The following TRIQK variants were observed in gnomAD, a reference collection of about 807,000 sequenced individuals.
The protein encoded by TRIQK is triple QxxK/R motif-containing protein.
A neutral mutation model predicts 10.8 loss-of-function variants in TRIQK; 10 were observed. That is an observed-to-expected ratio of 0.92 (90% CI 0.57 to 1.57). The LOEUF (loss-of-function observed/expected upper bound fraction) is 1.57. Among genes scored for constraint, TRIQK ranks in the 40% most tolerant of loss-of-function variants. The probability of loss-of-function intolerance (pLI) is 0.00; values close to 1 mark genes in which losing one functional copy is unlikely to be tolerated. For missense variants in TRIQK, 107 were observed against 97.7 expected (o/e 1.09, Z -0.40); for synonymous variants, 33 against 33.7 (o/e 0.98, Z 0.07).
At chr8:92,934,418 T>C (rs531176267) in intron 2 of TRIQK, among the ~76,000 whole-genome samples, 3 of 152,042 alleles carry the variant, frequency 2.0e-5, no homozygotes, top group African/African-American at 4.8e-5. Flanking sequence ...CTTTTAAGCA[T>C]ATATATCTTA....
chr8:93,000,800 A>C (rs549010355), intron 1 of TRIQK, among the ~76,000 whole-genome samples: 3 of 152,230 alleles, frequency 2.0e-5, no homozygotes, highest in African/African-American at 7.2e-5. Context: ...TAACCACAAA[A>C]AAAATTACAG....
chr8:92,917,968 A>G (rs537696713), intron 2 of TRIQK, among the ~76,000 whole-genome samples: 1 of 152,176 alleles, frequency 6.6e-6, no homozygotes, highest in South Asian at 2.1e-4. Context: ...AATGAGTGAG[A>G]AAAAGCAATA....
chr8:92,987,957 G>A (rs955347908), intron 1 of TRIQK, among the ~76,000 whole-genome samples: 2 of 149,010 alleles, frequency 1.3e-5, no homozygotes, highest in African/African-American at 4.9e-5. Flanking sequence ...ATCTTTAGAT[G>A]ACATAATCGT....
At chr8:92,918,780 C>CA (rs1315267150) in intron 2 of TRIQK, among the ~76,000 whole-genome samples, 2 of 151,016 alleles carry the variant, frequency 1.3e-5, no homozygotes, top group Admixed American at 6.6e-5. Context: ...ATCTTACCCC[C>CA]CCCCACAATT....
intron 3 of TRIQK, among the ~76,000 whole-genome samples, chr8:92,900,015 T>A (rs1326338288): frequency 6.6e-6 from 1 of 152,226 alleles, no homozygotes; most frequent in East Asian, 1.9e-4. Context: ...ATTTTGAGCA[T>A]GTTTTCATAC....
chr8:92,959,480 TACACACACACACACAC>T (rs34816958), intron 1 of TRIQK, among the ~76,000 whole-genome samples: 2,090 of 143,722 alleles, frequency 0.015, 21 homozygotes, highest in Non-Finnish European at 0.021. Context: ...TATATATGCA[TACACACACACACACAC>T]ACACACACAC....
chr8:92,932,329 T>C (rs1192236932), intron 2 of TRIQK, among the ~76,000 whole-genome samples: 2 of 152,132 alleles, frequency 1.3e-5, no homozygotes, highest in Admixed American at 6.6e-5. Context: ...GCATAATCAA[T>C]GTGAATTTCT....
intron 1 of TRIQK, among the ~76,000 whole-genome samples, chr8:92,998,542 A>G (rs935796624): frequency 2.0e-5 from 3 of 152,106 alleles, no homozygotes; most frequent in African/African-American, 7.2e-5. Context: ...AAGACTGTAT[A>G]GAAACAAAAC....
At chr8:92,960,265 C>G (rs1812385039) in intron 1 of TRIQK, among the ~76,000 whole-genome samples, 1 of 152,242 alleles carries the variant, frequency 6.6e-6, no homozygotes. Flanking sequence ...CAAATATCCA[C>G]ACAGTGGACT....
intron 3 of TRIQK, among the ~76,000 whole-genome samples, chr8:92,905,319 A>C (rs1809195108): frequency 6.6e-6 from 1 of 152,204 alleles, no homozygotes; most frequent in Non-Finnish European, 1.5e-5. Flanking sequence ...CAGTAGAAGC[A>C]AATTTTATAA....
intron 2 of TRIQK, among the ~76,000 whole-genome samples, chr8:92,947,587 GAAAAAAAAA>G (rs35808197): frequency 8.1e-5 from 5 of 61,428 alleles, no homozygotes; most frequent in Non-Finnish European, 1.2e-4. Context: ...TCCGCCTCAG[GAAAAAAAAA>G]AAAAAAAAAA....
rs938131211 is a variant in TRIQK at position 92,884,127 on chromosome 8, T to C, written c.*2495A>G. ...TTGTCTTCTAAATTACTCTGAGCAG[T>C]GAATTACTGGAGGGAAGATACCCAT... On this transcript the variant is annotated 3_prime_UTR_variant, in exon 5 of 5. Coordinates refer to ENST00000521988, the MANE Select transcript of TRIQK (RefSeq NM_001171797.2). 1.3e-5 allele frequency: 2 copies of C among 151,856 alleles called. No homozygotes were observed. Among genetic ancestry groups the C allele is most frequent in the Non-Finnish European group, 2.9e-5 (2 of 67,882 alleles). The allele number at this position is 151,856 out of a possible 1,614,324, so 9.4% of individuals were successfully genotyped here.
chr8:92,898,125 A>C (rs1250632038), intron 3 of TRIQK, among the ~76,000 whole-genome samples: 1 of 152,142 alleles, frequency 6.6e-6, no homozygotes, highest in Non-Finnish European at 1.5e-5. Flanking sequence ...ACAATGTTAA[A>C]CACTTGTTGT....
intron 2 of TRIQK, among the ~76,000 whole-genome samples, chr8:92,948,817 T>C (rs1811682997): frequency 6.6e-6 from 1 of 152,252 alleles, no homozygotes; most frequent in Admixed American, 6.5e-5. Flanking sequence ...GAAAATGCTT[T>C]GAGTTTTCAA....
intron 1 of TRIQK, among the ~76,000 whole-genome samples, chr8:93,012,761 A>T (rs1813347461): frequency 2.6e-5 from 4 of 152,276 alleles, no homozygotes; most frequent in Admixed American, 2.6e-4. Context: ...CCCTCTGAAT[A>T]AAAGGGTAAA....
intron 2 of TRIQK, among the ~76,000 whole-genome samples, chr8:92,931,113 C>G (rs1033535714): frequency 2.0e-5 from 3 of 152,000 alleles, no homozygotes; most frequent in African/African-American, 7.3e-5. Context: ...AAAGACACTG[C>G]CTTTATGTTT....
chr8:92,919,346 T>C (rs1423183900), intron 2 of TRIQK, among the ~76,000 whole-genome samples: 1 of 151,776 alleles, frequency 6.6e-6, no homozygotes, highest in Non-Finnish European at 1.5e-5. Context: ...AATTTTATCA[T>C]GAAGGAATGT....
At chr8:92,994,937 C>G (rs1444498759) in intron 1 of TRIQK, among the ~76,000 whole-genome samples, 1 of 149,202 alleles carries the variant, frequency 6.7e-6, no homozygotes, top group Non-Finnish European at 1.5e-5. Context: ...TAAAAAAAAA[C>G]TGTATTTATC....
chr8:92,969,432 A>G (rs1032135744), upstream of TRIQK, among the ~76,000 whole-genome samples: 1 of 152,078 alleles, frequency 6.6e-6, no homozygotes, highest in African/African-American at 2.4e-5. Context: ...CACATATATT[A>G]TAACCCAACA....
Sources: gnomAD v4.1 joint callset for allele counts (sites outside exome capture counted in the v4.1 genomes callset) on GRCh38, gnomAD v4.1.1 for gene constraint, MANE v1.5 for transcripts, NCBI Gene and HGNC (gene_info 2026-07-23, HGNC 2026-07-21) for gene names.